ZSCAN21: variants seen among roughly 807,000 people sequenced by gnomAD.
The protein encoded by ZSCAN21 is zinc finger and SCAN domain-containing protein 21.
In ZSCAN21, 26 loss-of-function variants were observed where a neutral mutation model predicts 35.6. The observed-to-expected ratio is 0.73, with a 90% CI of 0.54 to 1.01. ZSCAN21 has a LOEUF of 1.01. ZSCAN21 is among the 50% of genes least tolerant of loss of function. The pLI is 0.00. For missense variants in ZSCAN21, 593 were observed against 587.1 expected (o/e 1.01, Z -0.10); for synonymous variants, 219 against 219.3 (o/e 1.00, Z 0.01).
At position 100,064,532 on chromosome 7, in the gene ZSCAN21, G is replaced by A. The variant is rs755979446; in HGVS notation, c.1337G>A (p.Cys446Tyr). The A allele has an allele frequency of 1.8e-5, 29 of 1,614,084 alleles. No homozygotes were observed. The highest frequency in any genetic ancestry group is 2.4e-5 in the Non-Finnish European group (28 of 1,180,052). The change falls in exon 4 of 4, where the codon TGT (cysteine) becomes TAT (tyrosine). Residue 446 changes from cysteine (C) to tyrosine (Y), a missense_variant. By Grantham distance (194) the Cys-to-Tyr change is radical. Transcript: ENST00000292450. Reference protein sequence around the residue: ...RIHTGEKPYWCHHCGKTFCSK... With the variant: ...RIHTGEKPYWYHHCGKTFCSK... ...CACACCGGGGAAAAGCCCTACTGGT[G>A]TCATCACTGTGGAAAGACCTTCTGT...
intron 1 of ZSCAN21, among the ~76,000 whole-genome samples, chr7:100,054,957 CTTTT>C (rs10596959): frequency 3.8e-5 from 5 of 132,400 alleles, no homozygotes; most frequent in Admixed American, 7.6e-5. Flanking sequence ...TATGATCTCT[CTTTT>C]TTTTTTTTTT....
intron 1 of ZSCAN21, among the ~76,000 whole-genome samples, chr7:100,052,851 G>A (rs377405137): frequency 6.6e-6 from 1 of 152,048 alleles, no homozygotes; most frequent in East Asian, 1.9e-4. Context: ...ATGTACCACC[G>A]GGCGTGGTGG....
intron 3 of ZSCAN21, among the ~76,000 whole-genome samples, chr7:100,058,940 C>G (rs79017592): frequency 0.028 from 4,319 of 152,274 alleles, 92 homozygotes; most frequent in Middle Eastern, 0.054. Context: ...TTTATGGGTT[C>G]TACTCTTAAG....
At position 100,054,397 on chromosome 7, in the gene ZSCAN21, C is replaced by A. The variant is rs1370602436; in HGVS notation, c.-96-2514C>A. Among the ~76,000 whole-genome samples, 3 of 151,116 alleles carry A rather than the reference C, an allele frequency of 2.0e-5. No individual in the cohort carries two copies. The East Asian group carries it at 5.9e-4, about 30-fold the overall frequency. ...CCCATGTAGTTGGGATCACAGGTGC[C>A]TGTCACCACGCCCGGCTAATTTTTG... On this transcript the variant is annotated intron_variant, in intron 1 of 3. Transcript: ENST00000292450.
Position 100,057,002 on chromosome 7 carries a change from T to C in ZSCAN21, c.-5T>C, listed in dbSNP as rs927109161. Reference sequence around the variant, plus strand: ...ATCTTTGGTGAGGCTGTTTCTGGAGTTTACATGATGACCAAGGTACTAGGC... The same window carrying C: ...ATCTTTGGTGAGGCTGTTTCTGGAGCTTACATGATGACCAAGGTACTAGGC... On this transcript the variant is annotated 5_prime_UTR_variant, in exon 2 of 4. Coordinates refer to ENST00000292450, the MANE Select transcript of ZSCAN21 (RefSeq NM_145914.3). 11 of 1,574,324 alleles carry C rather than the reference T, an allele frequency of 7.0e-6. No homozygotes were observed. The African/African-American group carries it at 1.4e-4, about 20-fold the overall frequency.
In ZSCAN21 at chr7:100,053,546, A is replaced by ATACATACATAG. The variant is rs755978112; in HGVS notation, c.-96-3364_-96-3363insACATACATAGT. Among the ~76,000 whole-genome samples, 662 of 79,492 alleles carry ATACATACATAG rather than the reference A, an allele frequency of 8.3e-3. 3 individuals carry two copies. Among genetic ancestry groups the ATACATACATAG allele is most frequent in the East Asian group, 0.026 (89 of 3,486 alleles). The allele number at this position is 79,492 out of a possible 152,430, so 52.1% of individuals were successfully genotyped here. ...ACATACATACATACATACATACATA[A>ATACATACATAG]TTTTTTTTTTTTTTTTTTTTTTGCA... On this transcript the variant is annotated intron_variant, in intron 1 of 3. Transcript: ENST00000292450.
At chr7:100,054,792 TC>T in intron 1 of ZSCAN21, among the ~76,000 whole-genome samples, 1 of 124,592 alleles carries the variant, frequency 8.0e-6, no homozygotes, top group Admixed American at 1.0e-4. Context: ...TGAGCCGAGA[TC>T]ACGCCACTGT....
At position 100,056,970 on chromosome 7, in the gene ZSCAN21, G is replaced by A. The variant is rs1325128307; in HGVS notation, c.-37G>A. The stretch of plus-strand genomic sequence containing the variant: ...AAGGAACGAATATTCCTGCCCCACA[G>A]AGTCCCATCTTTGGTGAGGCTGTTT... On this transcript the variant is annotated 5_prime_UTR_variant, in exon 2 of 4. Coordinates refer to ENST00000292450, the MANE Select transcript of ZSCAN21 (RefSeq NM_145914.3). 6.5e-7 allele frequency: 1 copy of A among 1,534,270 alleles called. No homozygotes were observed. The highest frequency in any genetic ancestry group is 2.3e-5 in the East Asian group (1 of 44,068).
At chr7:100,050,644 A>G (rs4729571) in intron 1 of ZSCAN21, among the ~76,000 whole-genome samples, 89,735 of 151,784 alleles carry the variant, frequency 0.59, 26,850 homozygotes, top group East Asian at 0.86. Flanking sequence ...GTTGCACTGA[A>G]CCGAGATCAC....
intron 3 of ZSCAN21, 83 bp from the exon 4 acceptor site, chr7:100,063,705 C>A: frequency 7.4e-7 from 1 of 1,358,018 alleles, no homozygotes; most frequent in South Asian, 1.4e-5. Flanking sequence ...TCAGTCTCAC[C>A]TGATGGTTCT....
At position 100,057,156 on chromosome 7, in the gene ZSCAN21, G is replaced by A. The variant is rs746939254; in HGVS notation, c.150G>A (p.Gln50=). Residue 50 remains glutamine, a synonymous_variant, in exon 2 of 4, where the codon CAG becomes CAA. Coordinates refer to ENST00000292450, the MANE Select transcript of ZSCAN21 (RefSeq NM_145914.3). ...SLEMFRQRFR[Q]FGYHDTPGPR... ...AGATGTTCCGCCAGCGCTTCAGGCA[G>A]TTTGGGTACCATGATACCCCTGGAC... 3 of 1,613,930 alleles carry A rather than the reference G, an allele frequency of 1.9e-6. No homozygotes were observed. The highest frequency in any genetic ancestry group is 1.7e-6 in the Non-Finnish European group (2 of 1,180,040).
intron 1 of ZSCAN21, among the ~76,000 whole-genome samples, chr7:100,050,809 C>T (rs563130843): frequency 6.6e-6 from 1 of 152,242 alleles, no homozygotes; most frequent in East Asian, 1.9e-4. Context: ...TAATTGTTTT[C>T]AAGTGTTGGA....
At chr7:100,057,653 T>C (rs1447080487) in intron 2 of ZSCAN21, 45 bp from the exon 3 acceptor site, 1 of 1,540,700 alleles carries the variant, frequency 6.5e-7, no homozygotes, top group African/African-American at 1.4e-5. Context: ...TTCTTGGTCT[T>C]AAAGTGAGCC....
intron 3 of ZSCAN21, among the ~76,000 whole-genome samples, chr7:100,060,020 A>C (rs1792226065): frequency 2.0e-5 from 3 of 152,212 alleles, no homozygotes; most frequent in Non-Finnish European, 4.4e-5. Context: ...GAAACTGTTA[A>C]TAAAAACACA....
chr7:100,061,206 C>T (rs1240326955), intron 3 of ZSCAN21, among the ~76,000 whole-genome samples: 2 of 152,118 alleles, frequency 1.3e-5, no homozygotes, highest in Admixed American at 6.6e-5. Context: ...TCAATTTTTG[C>T]CTCATTCAGC....
At position 100,064,811 on chromosome 7, in the gene ZSCAN21, C is replaced by T. The variant is rs1194618563; in HGVS notation, c.*194C>T. 60 of 1,614,072 alleles carry T rather than the reference C, an allele frequency of 3.7e-5. 1 individual carries two copies. The Admixed American group carries it at 1.0e-3, about 27-fold the overall frequency. ...CCTCAGAAGGTGTCAGGAGGTTCCA[C>T]ACTCGCCAGTTCACTGGAGCAGAGT... On this transcript the variant is annotated 3_prime_UTR_variant, in exon 4 of 4. Coordinates refer to ENST00000292450, the MANE Select transcript of ZSCAN21 (RefSeq NM_145914.3).
In ZSCAN21 at chr7:100,057,133, A is replaced by G. The variant is rs143253409; in HGVS notation, c.127A>G (p.Met43Val). Reference protein sequence around the residue: ...EKGKYLPSLEMFRQRFRQFGY... With the variant: ...EKGKYLPSLEVFRQRFRQFGY... Reference sequence around the variant, plus strand: ...AGGCAAGTACCTTCCTAGCCTGGAGATGTTCCGCCAGCGCTTCAGGCAGTT... The same window carrying G: ...AGGCAAGTACCTTCCTAGCCTGGAGGTGTTCCGCCAGCGCTTCAGGCAGTT... The change falls in exon 2 of 4, where the codon ATG (methionine) becomes GTG (valine). Residue 43 changes from methionine to valine, a missense_variant. Met to Val is a conservative substitution (Grantham distance 21). Coordinates refer to ENST00000292450, the MANE Select transcript of ZSCAN21 (RefSeq NM_145914.3). The G allele has an allele frequency of 2.0e-5, 33 of 1,613,846 alleles. No homozygotes were observed. The African/African-American group carries it at 4.0e-4, about 20-fold the overall frequency.
chr7:100,059,364 G>C (rs1792197471), intron 3 of ZSCAN21, among the ~76,000 whole-genome samples: 1 of 152,144 alleles, frequency 6.6e-6, no homozygotes, highest in Admixed American at 6.6e-5. Flanking sequence ...AGACCTATCT[G>C]GTCAGTTTTA....
intron 1 of ZSCAN21, among the ~76,000 whole-genome samples, chr7:100,056,526 G>A (rs1030528823): frequency 1.3e-5 from 2 of 151,782 alleles, no homozygotes; most frequent in African/African-American, 2.4e-5. Context: ...ATGCAGTGGC[G>A]CAGGCTTGGC....
Sources: allele counts gnomAD v4.1 joint callset (sites outside exome capture counted in the v4.1 genomes callset), GRCh38; gene constraint gnomAD v4.1.1; transcripts MANE v1.5; gene names NCBI Gene and HGNC (gene_info 2026-07-23, HGNC 2026-07-21).